Variants in ANXA8 observed in about 807,000 individuals in gnomAD.
The protein encoded by ANXA8 is annexin A8, also known as VAC-beta.
ANXA8 carries 9 observed loss-of-function variants against 26.8 expected under a neutral mutation model. That is an observed-to-expected ratio of 0.34 (90% CI 0.20 to 0.59). The LOEUF is 0.59. ANXA8 is among the 20% of genes least tolerant of loss of function. The pLI, the probability that ANXA8 is intolerant of heterozygous loss-of-function variation, is 0.84. For synonymous variants in ANXA8, 39 were observed against 94.8 expected, an observed-to-expected ratio of 0.41 and a Z score of 3.42; for missense variants, 83 against 238.5, an observed-to-expected ratio of 0.35 and a Z score of 4.29.
chr10:47,550,110 C>G, the ANXA8 span, among the ~76,000 whole-genome samples: 2 of 151,400 alleles, frequency 1.3e-5, no homozygotes, highest in East Asian at 3.9e-4. Context: ...GAGCAAGACT[C>G]TGTCTCAAAA....
the ANXA8 span, among the ~76,000 whole-genome samples, chr10:47,686,322 G>A: frequency 2.0e-5 from 3 of 150,070 alleles, no homozygotes; most frequent in African/African-American, 2.5e-5. Context: ...GGGTTCAAGC[G>A]ATTCTCATGC....
upstream of ANXA8, among the ~76,000 whole-genome samples, chr10:47,485,829 C>T (rs1337943647): frequency 3.3e-5 from 5 of 151,884 alleles, no homozygotes; most frequent in Admixed American, 2.6e-4. Context: ...ATATTCTGGG[C>T]CAGGTGCGGT....
the ANXA8 span, among the ~76,000 whole-genome samples, chr10:47,639,918 C>T: frequency 6.8e-6 from 1 of 146,196 alleles, no homozygotes; most frequent in African/African-American, 2.6e-5. Context: ...GCTGGGACTA[C>T]AGGTGAGCAC....
chr10:47,473,889 G>C, intron 9 of ANXA8, 81 bp downstream of exon 9: 1 of 311,880 alleles, frequency 3.2e-6, no homozygotes, highest in Non-Finnish European at 5.2e-6. Flanking sequence ...TCTTGTGGTC[G>C]CATCCCTAGG....
the ANXA8 span, among the ~76,000 whole-genome samples, chr10:47,496,764 C>T: frequency 6.7e-6 from 1 of 149,250 alleles, no homozygotes; most frequent in South Asian, 2.1e-4. Context: ...TTGGGATTGT[C>T]TGATGTATTT....
the ANXA8 span, among the ~76,000 whole-genome samples, chr10:47,733,284 TTTCTTTCTTTC>T: frequency 2.2e-5 from 2 of 90,972 alleles, no homozygotes; most frequent in African/African-American, 9.8e-5. Context: ...TCTTTCTTTC[TTTCTTTCTTTC>T]TTTTTTTTCT....
chr10:47,761,096 A>G, the ANXA8 span, among the ~76,000 whole-genome samples: 77 of 72,228 alleles, frequency 1.1e-3, 1 homozygote, highest in Non-Finnish European at 1.6e-3. Flanking sequence ...ACACACACAC[A>G]CACACGCACA....
the ANXA8 span, among the ~76,000 whole-genome samples, chr10:47,684,274 CT>C: frequency 3.9e-5 from 6 of 152,228 alleles, no homozygotes. Context: ...TTGTTTCCCC[CT>C]GCCCTTGCCA....
At chr10:47,501,339 G>A in the ANXA8 span, among the ~76,000 whole-genome samples, 87 of 140,688 alleles carry the variant, frequency 6.2e-4, no homozygotes, top group African/African-American at 1.8e-3. Flanking sequence ...GAGCCACTGC[G>A]CCCAGCCTAA....
Position 47,468,850 on chromosome 10 carries a change from G to T in ANXA8, c.981C>A (p.Pro327=). ...NALLSLVGSD[P] Reference sequence around the variant, plus strand: ...TTTGCTCTTGTTCTTCTGTGCCTCAGGGGTCGCTGCCCACCAGGCTCAGCA... The same window carrying T: ...TTTGCTCTTGTTCTTCTGTGCCTCATGGGTCGCTGCCCACCAGGCTCAGCA... The change falls in exon 12 of 12, where the codon CCC becomes CCA. Residue 327 remains proline (P), a synonymous_variant. Transcript: ENST00000585281. 6.2e-7 allele frequency: 1 copy of T among 1,610,768 alleles called. No homozygotes were observed. Among genetic ancestry groups the T allele is most frequent in the Non-Finnish European group, 8.5e-7 (1 of 1,179,670 alleles).
At chr10:47,699,802 A>T in the ANXA8 span, among the ~76,000 whole-genome samples, 1 of 151,688 alleles carries the variant, frequency 6.6e-6, no homozygotes, top group Non-Finnish European at 1.5e-5. Flanking sequence ...ACTGTACTCC[A>T]GCCTGGGCAA....
At chr10:47,633,869 T>C in the ANXA8 span, among the ~76,000 whole-genome samples, 1 of 147,076 alleles carries the variant, frequency 6.8e-6, no homozygotes, top group East Asian at 2.0e-4. Flanking sequence ...TAATGTAGCT[T>C]AATTATTTAA....
At chr10:47,659,968 G>A in the ANXA8 span, among the ~76,000 whole-genome samples, 2 of 149,356 alleles carry the variant, frequency 1.3e-5, no homozygotes, top group Non-Finnish European at 3.0e-5. Flanking sequence ...TGTTGCCCAG[G>A]CTGGTCTCAA....
At chr10:47,588,765 C>G in the ANXA8 span, 2 of 144,518 alleles carry the variant, frequency 1.4e-5, 1 homozygote, top group Non-Finnish European at 3.0e-5. Context: ...AGAAAACATC[C>G]ATTCAAAGAT....
chr10:47,549,833 G>T, the ANXA8 span, among the ~76,000 whole-genome samples: 2 of 143,756 alleles, frequency 1.4e-5, no homozygotes, highest in Non-Finnish European at 3.0e-5. Flanking sequence ...GCTGGGCACA[G>T]TGGCTCATGC....
the ANXA8 span, among the ~76,000 whole-genome samples, chr10:47,536,576 CAT>C: frequency 8.0e-6 from 1 of 125,240 alleles, no homozygotes; most frequent in African/African-American, 3.9e-5. Flanking sequence ...CACACACACA[CAT>C]AAACACTACC....
the ANXA8 span, among the ~76,000 whole-genome samples, chr10:47,566,493 G>C: frequency 6.6e-6 from 1 of 151,408 alleles, no homozygotes; most frequent in Non-Finnish European, 1.5e-5. Context: ...AAAGCCATAG[G>C]CTGGGGGAGC....
the ANXA8 span, among the ~76,000 whole-genome samples, chr10:47,749,929 G>GA: frequency 6.6e-6 from 1 of 151,354 alleles, no homozygotes; most frequent in Non-Finnish European, 1.5e-5. Context: ...GGGGGAAAGT[G>GA]AAAAAAATAC....
chr10:47,707,064 A>G, the ANXA8 span, among the ~76,000 whole-genome samples: 4 of 143,810 alleles, frequency 2.8e-5, no homozygotes, highest in African/African-American at 9.7e-5. Context: ...TGTAATCATC[A>G]AAATGATGCA....
Sources: allele counts gnomAD v4.1 joint callset (sites outside exome capture counted in the v4.1 genomes callset), GRCh38; gene constraint gnomAD v4.1.1; transcripts MANE v1.5; gene names NCBI Gene and HGNC (gene_info 2026-07-23, HGNC 2026-07-21).